IPO11: variants seen among roughly 807,000 people sequenced by gnomAD.
The protein encoded by IPO11 is importin 11.
Under a neutral mutation model 143.2 loss-of-function variants are expected in IPO11, and 66 were observed. The observed-to-expected ratio is 0.46, with a 90% CI of 0.38 to 0.57. The LOEUF (loss-of-function observed/expected upper bound fraction) is 0.57, where lower values mean the gene tolerates loss of function less well. Among genes scored for constraint, IPO11 ranks in the 20% least tolerant of loss-of-function variants. The pLI is 0.00. For synonymous variants in IPO11, 385 were observed against 377.8 expected (o/e 1.02, Z -0.22); for missense variants, 1,026 against 1,141.0 (o/e 0.90, Z 1.45).
chr5:62,491,891 C>T (rs1413981419), intron 15 of IPO11, among the ~76,000 whole-genome samples: 2 of 151,872 alleles, frequency 1.3e-5, no homozygotes, highest in Non-Finnish European at 2.9e-5. Flanking sequence ...AGGATGATCT[C>T]GATCTCCTGA....
intron 29 of IPO11, among the ~76,000 whole-genome samples, chr5:62,626,552 C>T (rs1746587985): frequency 6.6e-6 from 1 of 152,036 alleles, no homozygotes; most frequent in African/African-American, 2.4e-5. Flanking sequence ...TAGAAGAAGC[C>T]AAAATATTTT....
intron 26 of IPO11, among the ~76,000 whole-genome samples, chr5:62,555,114 C>T (rs1743526592): frequency 6.6e-6 from 1 of 152,002 alleles, no homozygotes; most frequent in African/African-American, 2.4e-5. Flanking sequence ...TGGTCCCATA[C>T]AAATTTTTTT....
At chr5:62,438,134 T>G (rs1478594519) in intron 2 of IPO11, among the ~76,000 whole-genome samples, 1 of 152,186 alleles carries the variant, frequency 6.6e-6, no homozygotes, top group Non-Finnish European at 1.5e-5. Flanking sequence ...TGTGACCAGG[T>G]CATAGAATCA....
intron 29 of IPO11, among the ~76,000 whole-genome samples, chr5:62,602,327 C>CA (rs199991866): frequency 0.039 from 5,789 of 147,914 alleles, 114 homozygotes; most frequent in African/African-American, 0.046. Flanking sequence ...GGGAAAAGAA[C>CA]AAAAAAAAAG....
intron 5 of IPO11, among the ~76,000 whole-genome samples, chr5:62,459,743 G>A (rs1450937654): frequency 2.0e-5 from 3 of 152,044 alleles, no homozygotes; most frequent in African/African-American, 7.2e-5. Context: ...AGAGGCAGGG[G>A]TTTCACCATA....
At chr5:62,496,182 G>A (rs1741145077) in intron 16 of IPO11, among the ~76,000 whole-genome samples, 1 of 152,006 alleles carries the variant, frequency 6.6e-6, no homozygotes, top group Non-Finnish European at 1.5e-5. Flanking sequence ...CAGTTACTTG[G>A]GAGGCCGAGG....
chr5:62,418,298 T>G (rs900886659), intron 1 of IPO11, among the ~76,000 whole-genome samples: 11 of 152,252 alleles, frequency 7.2e-5, no homozygotes, highest in African/African-American at 2.2e-4. Context: ...CCTGAGTAGC[T>G]GGGATTACAG....
chr5:62,479,748 G>A (rs186342660), intron 9 of IPO11, among the ~76,000 whole-genome samples: 140 of 152,240 alleles, frequency 9.2e-4, no homozygotes, highest in African/African-American at 2.6e-3. Context: ...TTTGAGAAGC[G>A]TCTGTTCATG....
At chr5:62,578,579 A>G (rs1561370635) in intron 27 of IPO11, 3 of 359,460 alleles carry the variant, frequency 8.3e-6, no homozygotes, top group South Asian at 2.3e-5. Context: ...TTATTTTTAT[A>G]TTATAGGAGA....
chr5:62,513,430 C>T (rs1350037286), intron 19 of IPO11, among the ~76,000 whole-genome samples: 1 of 138,662 alleles, frequency 7.2e-6, no homozygotes. Context: ...CCCCCACCTC[C>T]CTCCCGGACG....
intron 1 of IPO11, among the ~76,000 whole-genome samples, chr5:62,432,134 C>T (rs1744013903): frequency 6.6e-6 from 1 of 152,178 alleles, no homozygotes; most frequent in Admixed American, 6.5e-5. Context: ...AAGCTGCTTT[C>T]CTTTTACCAC....
chr5:62,556,038 A>T (rs960663876), intron 26 of IPO11, among the ~76,000 whole-genome samples: 8 of 152,224 alleles, frequency 5.3e-5, no homozygotes, highest in African/African-American at 1.9e-4. Flanking sequence ...ATTAAATCCA[A>T]ATGCAATCCA....
intron 28 of IPO11, among the ~76,000 whole-genome samples, chr5:62,600,111 T>G (rs1372083463): frequency 1.3e-5 from 2 of 152,210 alleles, no homozygotes; most frequent in African/African-American, 4.8e-5. Context: ...CGATCTTGGC[T>G]CACTGCAACC....
At chr5:62,535,286 A>T (rs970492984) in intron 22 of IPO11, among the ~76,000 whole-genome samples, 1 of 152,012 alleles carries the variant, frequency 6.6e-6, no homozygotes, top group Non-Finnish European at 1.5e-5. Flanking sequence ...TCAAAATTAT[A>T]TTCCCTGATA....
At chr5:62,486,215 C>T (rs553208684) in intron 12 of IPO11, among the ~76,000 whole-genome samples, 66 of 152,126 alleles carry the variant, frequency 4.3e-4, no homozygotes, top group African/African-American at 1.4e-3. Context: ...CTCCTGACCT[C>T]GTGAGCCACC....
At chr5:62,450,070 C>T in intron 4 of IPO11, 71 bp downstream of exon 4, 3 of 970,524 alleles carry the variant, frequency 3.1e-6, no homozygotes, top group South Asian at 3.2e-5. Flanking sequence ...TATATTCTGG[C>T]ATTAAAATGA....
chr5:62,523,400 C>T (rs1432364234), intron 20 of IPO11, among the ~76,000 whole-genome samples: 1 of 152,018 alleles, frequency 6.6e-6, no homozygotes, highest in Non-Finnish European at 1.5e-5. Flanking sequence ...GAAGGCTAAG[C>T]GAACATCTCT....
At chr5:62,547,851 AC>A (rs1743257753) in intron 24 of IPO11, among the ~76,000 whole-genome samples, 1 of 152,086 alleles carries the variant, frequency 6.6e-6, no homozygotes. Context: ...TAAAATTTTA[AC>A]CAGAATTTTA....
At chr5:62,426,000 C>G (rs1330614522) in intron 1 of IPO11, among the ~76,000 whole-genome samples, 2 of 152,164 alleles carry the variant, frequency 1.3e-5, no homozygotes, top group Non-Finnish European at 2.9e-5. Flanking sequence ...CATAAAACCC[C>G]TGCTGTTTGA....
Sources: gnomAD v4.1 joint callset for allele counts (sites outside exome capture counted in the v4.1 genomes callset) on GRCh38, gnomAD v4.1.1 for gene constraint, MANE v1.5 for transcripts, NCBI Gene and HGNC (gene_info 2026-07-23, HGNC 2026-07-21) for gene names.